Variants in TRMT44 observed in about 807,000 individuals in gnomAD.
TRMT44 encodes tRNA methyltransferase 44 homolog, also known as probable tRNA (uracil-O(2)-)-methyltransferase.
TRMT44 carries 78 observed loss-of-function variants against 77.3 expected under a neutral mutation model. The observed-to-expected ratio is 1.01, with a 90% CI of 0.84 to 1.22. The LOEUF is 1.22. Ranked by LOEUF, TRMT44 falls within the 50% of genes most tolerant of loss-of-function variation. The probability of loss-of-function intolerance (pLI) is 0.00; values close to 1 mark genes in which losing one functional copy is unlikely to be tolerated. For missense variants in TRMT44, 1,090 were observed against 964.4 expected, an observed-to-expected ratio of 1.13 and a Z score of -1.73; for synonymous variants, 391 against 383.3, an observed-to-expected ratio of 1.02 and a Z score of -0.23.
intron 8 of TRMT44, among the ~76,000 whole-genome samples, chr4:8,467,559 T>C (rs778951033): frequency 2.0e-5 from 3 of 152,228 alleles, no homozygotes; most frequent in Non-Finnish European, 4.4e-5. Context: ...CTTGGCTCAC[T>C]GGCCTCTGCC....
At chr4:8,503,294 C>T in the TRMT44 span, among the ~76,000 whole-genome samples, 9 of 152,354 alleles carry the variant, frequency 5.9e-5, no homozygotes, top group South Asian at 2.1e-4. Context: ...CCTACAGCCC[C>T]GGAAAGGGTG....
At chr4:8,490,405 T>A (rs1459240247) in intron 2 of TRMT44, among the ~76,000 whole-genome samples, 1 of 152,162 alleles carries the variant, frequency 6.6e-6, no homozygotes, top group Non-Finnish European at 1.5e-5. Context: ...ATTCGTGGTC[T>A]CGCTGGCTCA....
intron 7 of TRMT44, among the ~76,000 whole-genome samples, chr4:8,464,761 A>G (rs775821770): frequency 2.6e-5 from 4 of 152,244 alleles, no homozygotes; most frequent in Non-Finnish European, 5.9e-5. Context: ...CTGTGGAAAA[A>G]ATCATTTTTA....
chr4:8,468,530 T>C (rs913555597), intron 9 of TRMT44, 184 bp downstream of exon 9: 61 of 627,406 alleles, frequency 9.7e-5, no homozygotes, highest in African/African-American at 9.4e-4. Context: ...ATAGCTCTTA[T>C]AAACATAAAG....
At position 8,447,522 on chromosome 4, in the gene TRMT44, A is replaced by G. The variant is rs987613098; in HGVS notation, c.734+932A>G. On this transcript the variant is annotated intron_variant, in intron 2 of 10. Coordinates refer to ENST00000389737, the MANE Select transcript of TRMT44 (RefSeq NM_152544.3). ...AGCAGAGGGATGTGGCGAGAAGAGC[A>G]TGGGCTTCCCACTAGCAGTGTGGTC... Among the ~76,000 whole-genome samples the G allele has an allele frequency of 7.2e-5, 11 of 152,216 alleles. No individual in the cohort carries two copies. In the South Asian group the frequency reaches 2.1e-3, roughly 29 times the overall value.
intron 9 of TRMT44, among the ~76,000 whole-genome samples, chr4:8,470,139 G>T (rs1215549477): frequency 6.6e-6 from 1 of 152,256 alleles, no homozygotes; most frequent in Admixed American, 6.5e-5. Flanking sequence ...GGCTGACTGG[G>T]ACAATATGTG....
downstream of TRMT44, among the ~76,000 whole-genome samples, chr4:8,479,842 C>G (rs777711149): frequency 6.6e-6 from 1 of 151,246 alleles, no homozygotes; most frequent in Non-Finnish European, 1.5e-5. Flanking sequence ...CAGCTTAAAA[C>G]ACACATCGTA....
rs371841580 is a variant in TRMT44 at position 8,467,988 on chromosome 4, C to T, written c.1569C>T (p.Tyr523=). Reference sequence around the variant, plus strand: ...CCGTGGATGAAAAGAGGACTCAGTACATTAAGAGCAGGCGGGGCTGCCCTG... The same window carrying T: ...CCGTGGATGAAAAGAGGACTCAGTATATTAAGAGCAGGCGGGGCTGCCCTG... ...EASVDEKRTQ[Y]IKSRRGCPVS... Residue 523 remains tyrosine, a synonymous_variant, in exon 9 of 11, where the codon TAC becomes TAT. Transcript: ENST00000389737. The T allele has an allele frequency of 2.1e-5, 34 of 1,614,024 alleles. No individual in the cohort carries two copies. Among genetic ancestry groups the T allele is most frequent in the Middle Eastern group, 3.3e-4 (2 of 6,084 alleles).
downstream of TRMT44, among the ~76,000 whole-genome samples, chr4:8,498,416 C>CA (rs895680093): frequency 8.8e-4 from 134 of 152,328 alleles, 1 homozygote; most frequent in African/African-American, 3.2e-3. This position sits in a 1 kb window ranked among gnomAD's most constrained non-coding sequence, Gnocchi z 4.3. Flanking sequence ...CACAGTTCTG[C>CA]AGGCTGTCTA....
the TRMT44 span, among the ~76,000 whole-genome samples, chr4:8,505,072 C>T: frequency 1.3e-5 from 2 of 152,202 alleles, no homozygotes; most frequent in Admixed American, 1.3e-4. Flanking sequence ...TGTCCTTTCT[C>T]CTGGCTGCGT....
rs1336199714 is a variant in TRMT44, at chr4:8,461,597, T to C, written c.1204-2388T>C. ...CAGCAGCCTGCATCAGACTTTTCTG[T>C]AGGGTCATCTGACCTGGGGAAGACC... On this transcript the variant is annotated intron_variant, in intron 6 of 10. Coordinates refer to ENST00000389737, the MANE Select transcript of TRMT44 (RefSeq NM_152544.3). The surrounding 1 kb of genome is among the most constrained non-coding windows in gnomAD (Gnocchi z 4.6). Among the ~76,000 whole-genome samples, 1 of 152,144 alleles carries C rather than the reference T, an allele frequency of 6.6e-6. No homozygotes were observed. Among genetic ancestry groups the C allele is most frequent in the African/African-American group, 2.4e-5 (1 of 41,430 alleles).
At chr4:8,477,205 C>T (rs1156238270), downstream of TRMT44, 1 of 152,276 alleles carries the variant, frequency 6.6e-6, no homozygotes, top group Non-Finnish European at 1.5e-5. Context: ...GGCAGCGCCG[C>T]ACTCATCACA....
chr4:8,466,579 G>A (rs139284276), intron 8 of TRMT44, among the ~76,000 whole-genome samples: 3 of 152,364 alleles, frequency 2.0e-5, no homozygotes, highest in East Asian at 3.9e-4. Context: ...CTGCTGAACC[G>A]TCCCGTCATC....
chr4:8,510,757 G>T, the TRMT44 span: 11 of 152,622 alleles, frequency 7.2e-5, no homozygotes, highest in Admixed American at 2.0e-4. Context: ...GGGAAGCTGG[G>T]GGGCTGCCCT....
chr4:8,454,558 A>G (rs1725668113), intron 5 of TRMT44, 184 bp from the exon 6 acceptor site: 1 of 603,546 alleles, frequency 1.7e-6, no homozygotes, highest in South Asian at 2.0e-5. Flanking sequence ...TAAGCTGGCC[A>G]TCGTATCACA....
rs1321449247 is a variant in TRMT44, at chr4:8,451,926, G to A, written c.955-34G>A. 1.3e-6 allele frequency: 2 copies of A among 1,531,614 alleles called. No homozygotes were observed. Among genetic ancestry groups the A allele is most frequent in the South Asian group, 1.2e-5 (1 of 83,912 alleles). The allele number at this position is 1,531,614 out of a possible 1,614,324, so 94.9% of individuals were successfully genotyped here. On this transcript the variant is annotated intron_variant, in intron 3 of 10. Coordinates refer to ENST00000389737, the MANE Select transcript of TRMT44 (RefSeq NM_152544.3). This position sits in a 1 kb window ranked among gnomAD's most constrained non-coding sequence, Gnocchi z 4.1. ...ATTGGGAAATGGTGGTGGGGAAACC[G>A]AACAATTTATGTTTGCTCTTGAAAC...
At chr4:8,453,219 G>A (rs140251405) in intron 5 of TRMT44, among the ~76,000 whole-genome samples, 323 of 152,320 alleles carry the variant, frequency 2.1e-3, no homozygotes, top group African/African-American at 7.2e-3. Context: ...CCGGGCCCCG[G>A]CATGGACCTA....
rs1726736421 is a variant in TRMT44 at position 8,468,198 on chromosome 4, A to G, written c.1779A>G (p.Glu593=). 2 of 1,614,248 alleles carry G rather than the reference A, an allele frequency of 1.2e-6. No homozygotes were observed. Among genetic ancestry groups the G allele is most frequent in the Non-Finnish European group, 8.5e-7 (1 of 1,180,048 alleles). Reference sequence around the variant, plus strand: ...GGCTACCTGGATTTCATCCCAGAGAAAAGGCTGAGCGTGTGAGGAACTGTG... The same window carrying G: ...GGCTACCTGGATTTCATCCCAGAGAGAAGGCTGAGCGTGTGAGGAACTGTG... ...GPWLPGFHPR[E]KAERVRNCAA... is the part of the protein sequence containing the mutation. The change falls in exon 9 of 11, where the codon GAA becomes GAG. Residue 593 remains glutamate, a synonymous_variant. Coordinates refer to ENST00000389737, the MANE Select transcript of TRMT44 (RefSeq NM_152544.3).
chr4:8,473,907 C>T (rs1211408967), intron 10 of TRMT44, among the ~76,000 whole-genome samples: 1 of 152,172 alleles, frequency 6.6e-6, no homozygotes. Flanking sequence ...TGAGGCTGGG[C>T]CAGCCTGGAG....
Sources: allele counts gnomAD v4.1 joint callset (sites outside exome capture counted in the v4.1 genomes callset), GRCh38; gene constraint gnomAD v4.1.1; non-coding constraint Gnocchi (gnomAD v3.1); transcripts MANE v1.5; gene names NCBI Gene and HGNC (gene_info 2026-07-23, HGNC 2026-07-21).